Variants in NALCN observed in about 807,000 individuals in gnomAD.
NALCN encodes the protein sodium leak channel NALCN.
NALCN carries 111 observed loss-of-function variants against 225.3 expected under a neutral mutation model. That is an observed-to-expected ratio of 0.49 (90% CI 0.42 to 0.58). NALCN has a LOEUF of 0.58. NALCN is among the 20% of genes least tolerant of loss of function. The pLI is 0.00. For missense variants in NALCN, 1,378 were observed against 2,202.4 expected (o/e 0.63, Z 7.49); for synonymous variants, 764 against 769.0 (o/e 0.99, Z 0.11).
Position 101,061,989 on chromosome 13 carries a change from C to T in NALCN, c.4734G>A (p.Lys1578=), listed in dbSNP as rs774181091. The T allele has an allele frequency of 6.2e-7, 1 of 1,614,124 alleles. No homozygotes were observed. Among genetic ancestry groups the T allele is most frequent in the Admixed American group, 1.7e-5 (1 of 60,024 alleles). The change falls in exon 41 of 44, where the codon AAG becomes AAA. Residue 1578 remains lysine (K), a synonymous_variant. Coordinates refer to ENST00000251127, the MANE Select transcript of NALCN (RefSeq NM_052867.4). Reference sequence around the variant, plus strand: ...TCACAGCTCTGATGCGCTTCAGGCACTTCTTGAGCCACATGCGGATGGTCT... The same window carrying T: ...TCACAGCTCTGATGCGCTTCAGGCATTTCTTGAGCCACATGCGGATGGTCT... The part of the protein sequence containing the change: ...AKQTIRMWLK[K]CLKRIRAKQQ...
chr13:101,089,898 G>T lies in NALCN; in HGVS notation c.3338C>A (p.Ser1113Tyr), dbSNP rs779210860. The T allele has an allele frequency of 1.2e-6, 2 of 1,614,074 alleles. No individual in the cohort carries two copies. The highest frequency in any genetic ancestry group is 1.7e-6 in the Non-Finnish European group (2 of 1,179,940). ...TCTCACTTCCACCCAGCCTTTCAAG[G>T]AGAGAACTTCAAACAACGCCAGCAT... ...NAMLALFEVL[S>Y]LKGWVEVRDV... Residue 1113 changes from serine to tyrosine, a missense_variant, in exon 29 of 44, where the codon TCC (serine) becomes TAC (tyrosine). By Grantham distance (144) the Ser-to-Tyr change is moderately radical (BLOSUM62 -2). Around this residue, in one of 19 missense-constraint regions of NALCN, gnomAD observed 292 missense variants for 409.5 expected, o/e 0.71. Coordinates refer to ENST00000251127, the MANE Select transcript of NALCN (RefSeq NM_052867.4). The surrounding 1 kb of genome is among the most constrained non-coding windows in gnomAD (Gnocchi z 4.7).
chr13:101,195,423 TTTTTA>T (rs2039849981), intron 13 of NALCN, among the ~76,000 whole-genome samples: 1 of 152,248 alleles, frequency 6.6e-6, no homozygotes, highest in Non-Finnish European at 1.5e-5. Context: ...CTTTTAAGTG[TTTTTA>T]TTTTGCTTAA....
In NALCN at chr13:101,282,727, C is replaced by T. The variant is rs1452537300; in HGVS notation, c.1134+1206G>A. Reference sequence around the variant, plus strand: ...TGTTAATTAGCTTGGTTGCAACAATCGTTTTACACTGTGTACATATATCAA... The same window carrying T: ...TGTTAATTAGCTTGGTTGCAACAATTGTTTTACACTGTGTACATATATCAA... On this transcript the variant is annotated intron_variant, in intron 10 of 43. Transcript: ENST00000251127. 5.3e-5 allele frequency among the ~76,000 whole-genome samples: 8 copies of T among 152,216 alleles called. No homozygotes were observed. The East Asian group carries it at 1.2e-3, about 22-fold the overall frequency.
chr13:101,404,122 T>C (rs1208095272), intron 1 of NALCN, among the ~76,000 whole-genome samples: 2 of 152,224 alleles, frequency 1.3e-5, no homozygotes, highest in African/African-American at 4.8e-5. Flanking sequence ...AGCTGATTAA[T>C]TAAAAGAGAG....
At chr13:101,165,192 C>T (rs952223891) in intron 15 of NALCN, among the ~76,000 whole-genome samples, 1 of 152,138 alleles carries the variant, frequency 6.6e-6, no homozygotes, top group Non-Finnish European at 1.5e-5. Flanking sequence ...ATGGTGTTAA[C>T]ATATCTAACA....
intron 11 of NALCN, among the ~76,000 whole-genome samples, chr13:101,250,753 T>C (rs1417072186): frequency 1.3e-5 from 2 of 151,878 alleles, no homozygotes; most frequent in Non-Finnish European, 2.9e-5. Context: ...ATAACTTCTA[T>C]TGAAGAAAAG....
intron 15 of NALCN, among the ~76,000 whole-genome samples, chr13:101,172,291 A>G (rs552073940): frequency 5.3e-5 from 8 of 151,934 alleles, no homozygotes; most frequent in Non-Finnish European, 1.0e-4. Flanking sequence ...ACTTTTGGCC[A>G]CTGACTTGCT....
At chr13:101,106,872 G>C (rs938783439) in intron 22 of NALCN, among the ~76,000 whole-genome samples, 1 of 152,108 alleles carries the variant, frequency 6.6e-6, no homozygotes, top group Non-Finnish European at 1.5e-5. Context: ...GACTCATACA[G>C]GTATGCTTGA....
chr13:101,371,241 A>C (rs1273555109), intron 6 of NALCN, among the ~76,000 whole-genome samples: 1 of 152,150 alleles, frequency 6.6e-6, no homozygotes. Context: ...ATGGACATAC[A>C]TTTTTATTTA....
At chr13:101,271,919 CTG>C (rs1042760513) in intron 10 of NALCN, among the ~76,000 whole-genome samples, 2 of 149,050 alleles carry the variant, frequency 1.3e-5, no homozygotes, top group African/African-American at 5.0e-5. Context: ...TTGTGTGTCA[CTG>C]TGTGTATGTA....
intron 9 of NALCN, among the ~76,000 whole-genome samples, chr13:101,289,679 T>C (rs994097631): frequency 1.3e-5 from 2 of 152,114 alleles, no homozygotes; most frequent in Admixed American, 6.6e-5. Flanking sequence ...AAATTTTCCA[T>C]ATGCTAGAGA....
At chr13:101,356,019 G>A (rs146716965) in intron 6 of NALCN, among the ~76,000 whole-genome samples, 4,908 of 152,096 alleles carry the variant, frequency 0.032, 265 homozygotes, top group African/African-American at 0.11. Flanking sequence ...AAGAGACAAC[G>A]TACCAGAATA....
intron 6 of NALCN, among the ~76,000 whole-genome samples, chr13:101,355,045 A>AT (rs1355130129): frequency 1.3e-5 from 2 of 151,960 alleles, no homozygotes; most frequent in African/African-American, 4.8e-5. Context: ...GTCATTTACA[A>AT]GTGTAGGGCA....
chr13:101,302,316 A>G (rs936352631), intron 7 of NALCN, among the ~76,000 whole-genome samples: 1 of 152,154 alleles, frequency 6.6e-6, no homozygotes, highest in Non-Finnish European at 1.5e-5. Context: ...TTATTTATTT[A>G]TTTATTTATT....
rs370927368 is a variant in NALCN, at chr13:101,292,175, C to A, written c.942+49G>T. 1 of 1,612,500 alleles carries A rather than the reference C, an allele frequency of 6.2e-7. No homozygotes were observed. The highest frequency in any genetic ancestry group is 1.1e-5 in the South Asian group (1 of 90,934). On this transcript the variant is annotated intron_variant, in intron 8 of 43. Coordinates refer to ENST00000251127, the MANE Select transcript of NALCN (RefSeq NM_052867.4). The surrounding 1 kb of genome is among the most constrained non-coding windows in gnomAD (Gnocchi z 4.3). ...CAACCAAAACCAAACAAAAGATCTG[C>A]AGAACTATCACAGAACATAGACTTT... is the stretch of plus-strand genomic sequence containing the variant.
At chr13:101,157,152 T>A (rs1016196047) in intron 15 of NALCN, among the ~76,000 whole-genome samples, 1 of 152,114 alleles carries the variant, frequency 6.6e-6, no homozygotes, top group Non-Finnish European at 1.5e-5. Flanking sequence ...GATGGTTCTA[T>A]GGTTATGTAA....
At chr13:101,068,385 A>G (rs79117919) in intron 38 of NALCN, among the ~76,000 whole-genome samples, 5 of 152,358 alleles carry the variant, frequency 3.3e-5, no homozygotes, top group Non-Finnish European at 5.9e-5. Context: ...TGTACCTTTC[A>G]AAAACATAAA....
At chr13:101,383,902 A>ATT (rs2046916576) in intron 3 of NALCN, among the ~76,000 whole-genome samples, 1 of 152,242 alleles carries the variant, frequency 6.6e-6, no homozygotes, top group Non-Finnish European at 1.5e-5. Flanking sequence ...AGGAATTAAA[A>ATT]TTACTATCAT....
At chr13:101,234,615 A>T (rs1594495278) in intron 12 of NALCN, among the ~76,000 whole-genome samples, 2 of 152,170 alleles carry the variant, frequency 1.3e-5, no homozygotes. Flanking sequence ...TTCTCAAGAG[A>T]TTTACTTTCT....
Sources: gnomAD v4.1 joint callset for allele counts (sites outside exome capture counted in the v4.1 genomes callset) on GRCh38, gnomAD v4.1.1 for gene constraint, gnomAD v4.1.1 regional missense constraint, Gnocchi (gnomAD v3.1) non-coding constraint, MANE v1.5 for transcripts, NCBI Gene and HGNC (gene_info 2026-07-23, HGNC 2026-07-21) for gene names.